The following SLF1 variants were observed in gnomAD, a reference collection of about 807,000 sequenced individuals.
SLF1 encodes SMC5/6 complex localization factor 1, also known as SMC5-SMC6 complex localization factor protein 1.
SLF1 carries 105 observed loss-of-function variants against 123.0 expected under a neutral mutation model. The observed-to-expected ratio is 0.85, with a 90% CI of 0.73 to 1.00. The LOEUF is 1.00. Ranked by LOEUF, SLF1 falls within the 50% of genes least tolerant of loss-of-function variation. The pLI is 0.00. For synonymous variants in SLF1, 434 were observed against 406.6 expected, an observed-to-expected ratio of 1.07 and a Z score of -0.81; for missense variants, 1,239 against 1,223.0, an observed-to-expected ratio of 1.01 and a Z score of -0.20.
chr5:94,618,346 A>T (rs564878420), upstream of SLF1: 1 of 152,858 alleles, frequency 6.5e-6, no homozygotes, highest in African/African-American at 2.4e-5. Context: ...GGCCTTCTCC[A>T]GCTGCACTGG....
At chr5:94,691,760 G>C in intron 19 of SLF1, 104 bp downstream of exon 19, 1 of 892,778 alleles carries the variant, frequency 1.1e-6, no homozygotes, top group Non-Finnish European at 1.6e-6. Context: ...TTTACCTAAG[G>C]TATCTTAAAA....
rs118086958 is a variant in SLF1, at chr5:94,656,291, T to C, written c.1155+1539T>C. On this transcript the variant is annotated intron_variant, in intron 9 of 20. Transcript: ENST00000265140. Reference sequence around the variant, plus strand: ...CTTGCATCCTTGGGATAAATCATAGTGTACACTTGATCATAGTGTATTGAC... The same window carrying C: ...CTTGCATCCTTGGGATAAATCATAGCGTACACTTGATCATAGTGTATTGAC... 5.2e-4 allele frequency among the ~76,000 whole-genome samples: 79 copies of C among 152,142 alleles called. No individual in the cohort carries two copies. In the East Asian group the frequency reaches 0.014, roughly 28 times the overall value.
At chr5:94,645,396 C>G (rs1262757592) in intron 5 of SLF1, among the ~76,000 whole-genome samples, 5 of 152,082 alleles carry the variant, frequency 3.3e-5, no homozygotes, top group Non-Finnish European at 7.4e-5. Flanking sequence ...GATCACATTG[C>G]TTTTCTGTGT....
At chr5:94,670,736 G>T in intron 13 of SLF1, 107 bp from the exon 14 acceptor site, 1 of 751,808 alleles carries the variant, frequency 1.3e-6, no homozygotes, top group Non-Finnish European at 2.1e-6. Flanking sequence ...TATATTTTAT[G>T]ATCTATGTTC....
chr5:94,659,334 G>A (rs565156360), intron 9 of SLF1, among the ~76,000 whole-genome samples: 1 of 151,040 alleles, frequency 6.6e-6, no homozygotes, highest in Admixed American at 6.6e-5. Flanking sequence ...GAATTTCATT[G>A]GTTTCCTTTT....
chr5:94,665,429 C>T (rs1404078154), intron 11 of SLF1, among the ~76,000 whole-genome samples: 1 of 151,974 alleles, frequency 6.6e-6, no homozygotes, highest in Non-Finnish European at 1.5e-5. Flanking sequence ...TCTCCTTTGT[C>T]TAAACACGTA....
At chr5:94,691,677 G>T (rs780577686) in intron 19 of SLF1, 21 bp downstream of exon 19, 1 of 1,554,736 alleles carries the variant, frequency 6.4e-7, no homozygotes, top group Non-Finnish European at 8.8e-7. Flanking sequence ...AATCTTTGTG[G>T]TCTAGTCCAA....
chr5:94,667,566 T>C (rs998037727), intron 12 of SLF1, among the ~76,000 whole-genome samples: 14 of 152,238 alleles, frequency 9.2e-5, no homozygotes, highest in African/African-American at 3.4e-4. Flanking sequence ...TCACATACAT[T>C]GAACTACCTA....
At chr5:94,651,958 G>C in intron 7 of SLF1, 113 bp downstream of exon 7, 3 of 456,810 alleles carry the variant, frequency 6.6e-6, no homozygotes, top group Non-Finnish European at 1.0e-5. Context: ...CCAATAGCTA[G>C]ATTAAGAAAT....
chr5:94,645,205 C>T (rs1746883181), intron 5 of SLF1, among the ~76,000 whole-genome samples: 1 of 152,130 alleles, frequency 6.6e-6, no homozygotes, highest in Admixed American at 6.5e-5. Flanking sequence ...CACTGATGGG[C>T]TGACTCCTGC....
chr5:94,653,121 T>C (rs1428228982), intron 7 of SLF1, 151 bp from the exon 8 acceptor site: 4 of 642,876 alleles, frequency 6.2e-6, no homozygotes, highest in Non-Finnish European at 9.7e-6. Context: ...CCTCCCAAAG[T>C]GCAGAGATTA....
At chr5:94,652,050 C>T (rs1402538385) in intron 7 of SLF1, among the ~76,000 whole-genome samples, 3 of 149,978 alleles carry the variant, frequency 2.0e-5, no homozygotes, top group Non-Finnish European at 3.0e-5. Context: ...GCTCTGTTAC[C>T]AGGCTGGAAT....
intron 4 of SLF1, among the ~76,000 whole-genome samples, chr5:94,639,703 A>G (rs551587723): frequency 6.6e-6 from 1 of 152,346 alleles, no homozygotes; most frequent in Non-Finnish European, 1.5e-5. Flanking sequence ...ATTTTGTTAT[A>G]AGAAAATCAT....
intron 16 of SLF1, among the ~76,000 whole-genome samples, chr5:94,687,564 A>C (rs1752581130): frequency 6.6e-6 from 1 of 152,030 alleles, no homozygotes; most frequent in African/African-American, 2.4e-5. Flanking sequence ...GCATGGTGGC[A>C]CATGCCTGTG....
intron 12 of SLF1, among the ~76,000 whole-genome samples, chr5:94,667,261 C>A (rs1361109121): frequency 6.6e-6 from 1 of 152,110 alleles, no homozygotes; most frequent in Non-Finnish European, 1.5e-5. Context: ...GAGATGTAAA[C>A]AATACCGCAC....
intron 6 of SLF1, among the ~76,000 whole-genome samples, chr5:94,651,307 C>T (rs1198622463): frequency 1.3e-5 from 2 of 152,172 alleles, no homozygotes; most frequent in Non-Finnish European, 2.9e-5. Flanking sequence ...ATATCCCCAT[C>T]GTTAAGCAGT....
chr5:94,657,119 C>A (rs1748496184), intron 9 of SLF1, among the ~76,000 whole-genome samples: 1 of 150,202 alleles, frequency 6.7e-6, no homozygotes, highest in African/African-American at 2.4e-5. Context: ...CTTCTTCTTC[C>A]TTGAGGTGCA....
Position 94,653,400 on chromosome 5 carries a change from GCA to G in SLF1, c.1014_1015del (p.Tyr340Ter). ...HEKIKSTLRR[H>X]IYNRDQKEMK... ...AAAAAATAAAAAGTACCTTAAGAAG[GCA>G]CATATATAATAGAGATCAGGTAAAG... On this transcript the variant is annotated frameshift_variant, in exon 8 of 21. Transcript: ENST00000265140. LOFTEE classifies it high-confidence loss of function. 2.0e-6 allele frequency: 3 copies of G among 1,519,880 alleles called. No homozygotes were observed. The highest frequency in any genetic ancestry group is 2.6e-6 in the Non-Finnish European group (3 of 1,138,292). 94.1% of individuals were successfully genotyped at this position (1,519,880 alleles called of 1,614,324 possible).
chr5:94,644,808 A>G (rs935429468), intron 5 of SLF1, among the ~76,000 whole-genome samples: 4 of 152,068 alleles, frequency 2.6e-5, no homozygotes, highest in Admixed American at 1.3e-4. Flanking sequence ...GTTAATGTCT[A>G]TTTCCCCATG....
Sources: gnomAD v4.1 joint callset for allele counts (sites outside exome capture counted in the v4.1 genomes callset) on GRCh38, gnomAD v4.1.1 for gene constraint, MANE v1.5 for transcripts, NCBI Gene and HGNC (gene_info 2026-07-23, HGNC 2026-07-21) for gene names.